The following PTPRD variants were observed in gnomAD, a reference collection of about 807,000 sequenced individuals.
PTPRD encodes protein tyrosine phosphatase receptor type D.
Under a neutral mutation model 214.5 loss-of-function variants are expected in PTPRD, and 34 were observed. That is an observed-to-expected ratio of 0.16 (90% CI 0.12 to 0.21). The LOEUF is 0.21. PTPRD is among the 10% of genes least tolerant of loss of function. The pLI, the probability that PTPRD is intolerant of heterozygous loss-of-function variation, is 1.00. For missense variants in PTPRD, 2,545 were observed against 2,398.7 expected (o/e 1.06, Z -1.27); for synonymous variants, 1,128 against 845.7 (o/e 1.33, Z -5.79).
intron 8 of PTPRD, among the ~76,000 whole-genome samples, chr9:9,570,132 G>A (rs1007732805): frequency 6.6e-6 from 1 of 151,604 alleles, no homozygotes; most frequent in African/African-American, 2.4e-5. Flanking sequence ...ATTTGTGCAT[G>A]CAGTGATCTC....
chr9:10,028,220 C>T (rs1030455372), intron 4 of PTPRD, among the ~76,000 whole-genome samples: 2 of 152,234 alleles, frequency 1.3e-5, no homozygotes, highest in African/African-American at 4.8e-5. Flanking sequence ...GTTTCACCTT[C>T]TGCCATGATC....
intron 4 of PTPRD, among the ~76,000 whole-genome samples, chr9:9,954,957 AC>A (rs1387068006): frequency 6.6e-6 from 1 of 152,218 alleles, no homozygotes; most frequent in Non-Finnish European, 1.5e-5. Context: ...AGATAAAGAT[AC>A]CATTTCAGCT....
chr9:10,186,520 T>C (rs2154314810), intron 3 of PTPRD, among the ~76,000 whole-genome samples: 1 of 152,246 alleles, frequency 6.6e-6, no homozygotes, highest in Non-Finnish European at 1.5e-5. Context: ...ATTTATCATC[T>C]TTACGAATCC....
chr9:9,831,899 A>G (rs1304348329), intron 5 of PTPRD, among the ~76,000 whole-genome samples: 1 of 152,012 alleles, frequency 6.6e-6, no homozygotes, highest in Non-Finnish European at 1.5e-5. Flanking sequence ...ATGATGCAAT[A>G]GATTTCTTGG....
At chr9:9,768,897 A>G (rs2098728363) in intron 5 of PTPRD, among the ~76,000 whole-genome samples, 1 of 152,236 alleles carries the variant, frequency 6.6e-6, no homozygotes, top group African/African-American at 2.4e-5. Context: ...TTCAGTTTGT[A>G]ACATGCACAT....
At chr9:8,930,343 T>A (rs1375350797) in intron 11 of PTPRD, among the ~76,000 whole-genome samples, 1 of 152,152 alleles carries the variant, frequency 6.6e-6, no homozygotes, top group Non-Finnish European at 1.5e-5. Flanking sequence ...TGCCACATTT[T>A]CTTAATCCAG....
In PTPRD at chr9:9,089,399, T is replaced by A. The variant is rs185943075; in HGVS notation, c.-142-70664A>T. Among the ~76,000 whole-genome samples the A allele has an allele frequency of 1.9e-4, 29 of 152,300 alleles. No individual in the cohort carries two copies. In the East Asian group the frequency reaches 5.6e-3, roughly 29 times the overall value. ...GGGCACAGTGCTCAAATAATGAGTA[T>A]GTAGCTGGGACAATTGCTCCCCAGA... On this transcript the variant is annotated intron_variant, in intron 10 of 45. Coordinates refer to ENST00000381196, the MANE Select transcript of PTPRD (RefSeq NM_002839.4).
At chr9:10,452,738 G>T (rs1004345404) in intron 2 of PTPRD, among the ~76,000 whole-genome samples, 57 of 151,766 alleles carry the variant, frequency 3.8e-4, no homozygotes, top group Non-Finnish European at 5.8e-4. Context: ...CCTCATGTCA[G>T]ATACATGGTT....
At chr9:8,662,794 G>A (rs1389559217) in intron 12 of PTPRD, among the ~76,000 whole-genome samples, 2 of 151,788 alleles carry the variant, frequency 1.3e-5, no homozygotes, top group Non-Finnish European at 2.9e-5. Context: ...TTTCCATTTT[G>A]CAAATTCATT....
At position 8,914,934 on chromosome 9, in the gene PTPRD, G is replaced by T. The variant is rs2098774004; in HGVS notation, c.-104+103763C>A. 2.6e-5 allele frequency among the ~76,000 whole-genome samples: 4 copies of T among 152,034 alleles called. No individual in the cohort carries two copies. In the South Asian group the frequency reaches 8.3e-4, roughly 32 times the overall value. ...GACTACTTCTACCATCCTGTCCTTA[G>T]TATACCAGATATGTGATGAAAGCAT... On this transcript the variant is annotated intron_variant, in intron 11 of 45. Coordinates refer to ENST00000381196, the MANE Select transcript of PTPRD (RefSeq NM_002839.4).
intron 5 of PTPRD, among the ~76,000 whole-genome samples, chr9:9,842,838 T>A (rs1347064213): frequency 3.9e-5 from 6 of 152,094 alleles, no homozygotes; most frequent in Non-Finnish European, 8.8e-5. Flanking sequence ...TCAGTGGATT[T>A]TTTTTTGCAT....
intron 9 of PTPRD, among the ~76,000 whole-genome samples, chr9:9,353,556 A>T (rs1014236781): frequency 2.4e-4 from 36 of 151,560 alleles, no homozygotes; most frequent in African/African-American, 8.5e-4. Context: ...TTTTGCCTTA[A>T]TTTCTTTTTT....
chr9:9,508,914 C>A (rs564928864), intron 8 of PTPRD, among the ~76,000 whole-genome samples: 4 of 151,632 alleles, frequency 2.6e-5, no homozygotes, highest in East Asian at 3.9e-4. Flanking sequence ...CTGTATATCA[C>A]CCTTGCATTT....
intron 2 of PTPRD, among the ~76,000 whole-genome samples, chr9:10,386,730 G>C (rs1168023309): frequency 1.3e-5 from 2 of 151,808 alleles, no homozygotes; most frequent in African/African-American, 4.8e-5. Flanking sequence ...AAAGAAGAGA[G>C]AAGAGAGACA....
intron 7 of PTPRD, among the ~76,000 whole-genome samples, chr9:9,608,991 A>T (rs769679606): frequency 2.0e-5 from 3 of 152,144 alleles, no homozygotes; most frequent in African/African-American, 7.2e-5. Flanking sequence ...CTGCTAGAGT[A>T]TTGTGATTAT....
intron 10 of PTPRD, among the ~76,000 whole-genome samples, chr9:9,153,414 G>A (rs2099878538): frequency 6.6e-6 from 1 of 152,106 alleles, no homozygotes; most frequent in South Asian, 2.1e-4. Context: ...TTCTGAGAGT[G>A]TTAAGGTGAT....
chr9:9,287,298 T>A (rs1949802798), intron 9 of PTPRD, among the ~76,000 whole-genome samples: 1 of 151,794 alleles, frequency 6.6e-6, no homozygotes, highest in Non-Finnish European at 1.5e-5. Context: ...CATTTAAAAA[T>A]GACCCAGTTG....
intron 9 of PTPRD, among the ~76,000 whole-genome samples, chr9:9,205,980 T>C (rs926162159): frequency 6.6e-6 from 1 of 152,180 alleles, no homozygotes; most frequent in African/African-American, 2.4e-5. Context: ...GGTTATTTTA[T>C]CTTGGGTTTT....
intron 35 of PTPRD, among the ~76,000 whole-genome samples, chr9:8,414,266 C>T (rs1308735055): frequency 6.6e-6 from 1 of 152,084 alleles, no homozygotes; most frequent in Non-Finnish European, 1.5e-5. Flanking sequence ...TCATAAAAGC[C>T]ATCTTTGACT....
Sources: gnomAD v4.1 joint callset for allele counts (sites outside exome capture counted in the v4.1 genomes callset) on GRCh38, gnomAD v4.1.1 for gene constraint, MANE v1.5 for transcripts, NCBI Gene and HGNC (gene_info 2026-07-23, HGNC 2026-07-21) for gene names.